PALS2: variants seen among roughly 807,000 people sequenced by gnomAD.
PALS2 encodes the protein protein PALS2.
Under a neutral mutation model 61.6 loss-of-function variants are expected in PALS2, and 27 were observed. The ratio of observed to expected loss-of-function variants is 0.44; its 90% CI spans 0.32 to 0.60. PALS2 has a LOEUF of 0.60. Ranked by LOEUF, PALS2 falls within the 20% of genes least tolerant of loss-of-function variation. The pLI is 0.05. For synonymous variants in PALS2, 236 were observed against 218.6 expected, an observed-to-expected ratio of 1.08 and a Z score of -0.70; for missense variants, 554 against 639.4, an observed-to-expected ratio of 0.87 and a Z score of 1.44.
Position 24,689,494 on chromosome 7 carries a change from T to G in PALS2, c.*1880T>G, listed in dbSNP as rs1331064610. 1 of 152,098 alleles carries G rather than the reference T, an allele frequency of 6.6e-6. No individual in the cohort carries two copies. Among genetic ancestry groups the G allele is most frequent in the Admixed American group, 6.5e-5 (1 of 15,272 alleles). 9.4% of individuals were successfully genotyped at this position (152,098 alleles called of 1,614,324 possible). ...AGAAAATATATGACAATAGGCAGTA[T>G]TGACACATTGTTTAAAATCTTTTTC... On this transcript the variant is annotated 3_prime_UTR_variant, in exon 12 of 12. Coordinates refer to ENST00000222644, the MANE Select transcript of PALS2 (RefSeq NM_001303037.2).
At position 24,596,885 on chromosome 7, in the gene PALS2, C is replaced by G. The variant is rs151332419; in HGVS notation, c.-3+23292C>G. ...GCAAGAGAATATTAGAAACTCTAAA[C>G]CAGACAGTGAAATTTTTAGAGTGGA... On this transcript the variant is annotated intron_variant, in intron 1 of 11. Transcript: ENST00000222644. This position sits in a 1 kb window ranked among gnomAD's most constrained non-coding sequence, Gnocchi z 4.5. 4.0e-4 allele frequency among the ~76,000 whole-genome samples: 61 copies of G among 152,118 alleles called. 1 individual carries two copies. Among genetic ancestry groups the G allele is most frequent in the Middle Eastern group, 3.4e-3 (1 of 294 alleles).
intron 2 of PALS2, among the ~76,000 whole-genome samples, chr7:24,641,129 G>A (rs555566145): frequency 2.0e-5 from 3 of 151,326 alleles, no homozygotes; most frequent in Admixed American, 6.6e-5. Context: ...AAAGACAGAT[G>A]ATCATTTCCC....
chr7:24,612,287 A>C (rs1784142322), intron 1 of PALS2, among the ~76,000 whole-genome samples: 1 of 151,714 alleles, frequency 6.6e-6, no homozygotes, highest in African/African-American at 2.4e-5. Context: ...TCATTTAACT[A>C]CTCTGAAGAT....
At chr7:24,640,495 C>T (rs1212533415) in intron 2 of PALS2, among the ~76,000 whole-genome samples, 1 of 152,154 alleles carries the variant, frequency 6.6e-6, no homozygotes, top group South Asian at 2.1e-4. Flanking sequence ...GTGGATTTTT[C>T]TTTAGCAATC....
At chr7:24,615,165 C>T (rs938819063) in intron 1 of PALS2, among the ~76,000 whole-genome samples, 1 of 151,780 alleles carries the variant, frequency 6.6e-6, no homozygotes, top group Non-Finnish European at 1.5e-5. Context: ...TAGTTTATAG[C>T]AGTAAATGCC....
Position 24,687,348 on chromosome 7 carries a change from A to G in PALS2, c.1447-90A>G. 1 of 975,980 alleles carries G rather than the reference A, an allele frequency of 1.0e-6. No individual in the cohort carries two copies. The highest frequency in any genetic ancestry group is 1.5e-6 in the Non-Finnish European group (1 of 645,958). The allele number at this position is 975,980 out of a possible 1,614,324, so 60.5% of individuals were successfully genotyped here. On this transcript the variant is annotated intron_variant, in intron 11 of 11. Coordinates refer to ENST00000222644, the MANE Select transcript of PALS2 (RefSeq NM_001303037.2). This position sits in a 1 kb window ranked among gnomAD's most constrained non-coding sequence, Gnocchi z 4.5. Reference sequence around the variant, plus strand: ...TACCAGAATTACCAGAAATATATCTAACCTATTTATTATATTCACTTCTAG... The same window carrying G: ...TACCAGAATTACCAGAAATATATCTGACCTATTTATTATATTCACTTCTAG...
At chr7:24,588,143 A>G (rs112653437) in intron 1 of PALS2, among the ~76,000 whole-genome samples, 1 of 152,176 alleles carries the variant, frequency 6.6e-6, no homozygotes, top group Non-Finnish European at 1.5e-5. Context: ...CGAAGATTGA[A>G]AAACCCTGGA....
chr7:24,625,947 A>G (rs1273199727), intron 2 of PALS2, among the ~76,000 whole-genome samples: 1 of 152,140 alleles, frequency 6.6e-6, no homozygotes, highest in Non-Finnish European at 1.5e-5. Flanking sequence ...CACTCTCAGT[A>G]TAACAAATAG....
intron 1 of PALS2, among the ~76,000 whole-genome samples, chr7:24,614,629 C>G (rs189792895): frequency 2.6e-4 from 40 of 151,990 alleles, no homozygotes; most frequent in African/African-American, 9.4e-4. Context: ...GACCCTGATA[C>G]AATAATAGTT....
intron 3 of PALS2, among the ~76,000 whole-genome samples, chr7:24,647,209 C>T (rs1485063769): frequency 3.3e-5 from 5 of 150,934 alleles, no homozygotes; most frequent in East Asian, 3.9e-4. Flanking sequence ...TGCAGTGGCA[C>T]GATCTCGGTT....
At chr7:24,590,854 T>G (rs1195482532) in intron 1 of PALS2, among the ~76,000 whole-genome samples, 2 of 151,928 alleles carry the variant, frequency 1.3e-5, no homozygotes, top group Non-Finnish European at 2.9e-5. Context: ...ACTTTTTTTT[T>G]TTTTTTGAGG....
intron 1 of PALS2, among the ~76,000 whole-genome samples, chr7:24,592,162 C>CGATT (rs1341083198): frequency 1.3e-5 from 2 of 151,942 alleles, no homozygotes; most frequent in Non-Finnish European, 2.9e-5. Flanking sequence ...CTGTAAGTAT[C>CGATT]GATTATTGGA....
rs2721780 is a variant in PALS2, at chr7:24,688,944, A to G, written c.*1330A>G. On this transcript the variant is annotated 3_prime_UTR_variant, in exon 12 of 12. Coordinates refer to ENST00000222644, the MANE Select transcript of PALS2 (RefSeq NM_001303037.2). The stretch of plus-strand genomic sequence containing the variant: ...CTCTCGTGCCTCAGCCTCCCAAGTA[A>G]TTGAGATTACAGTTGGGTGCCACCA... 0.51 allele frequency: 76,753 copies of G among 151,262 alleles called. 23,013 individuals are homozygous for G. The highest frequency in any genetic ancestry group is 0.82 in the African/African-American group (33,892 of 41,172). The allele number at this position is 151,262 out of a possible 1,614,324, so 9.4% of individuals were successfully genotyped here.
chr7:24,616,029 G>A (rs1179568433), intron 1 of PALS2, among the ~76,000 whole-genome samples: 1 of 152,068 alleles, frequency 6.6e-6, no homozygotes, highest in South Asian at 2.1e-4. Context: ...AATAAATTAG[G>A]TAGAGAAGAA....
intron 3 of PALS2, among the ~76,000 whole-genome samples, chr7:24,643,759 G>T (rs1019824373): frequency 2.6e-5 from 4 of 152,114 alleles, no homozygotes; most frequent in African/African-American, 9.7e-5. Flanking sequence ...CTTCCCTGTG[G>T]TGTTGATGTT....
rs142277624 is a variant in PALS2 at position 24,682,660 on chromosome 7, T to C, written c.1446+2140T>C. Among the ~76,000 whole-genome samples the C allele has an allele frequency of 1.7e-3, 266 of 152,350 alleles. 1 individual carries two copies. Among genetic ancestry groups the C allele is most frequent in the African/African-American group, 6.2e-3 (257 of 41,580 alleles). On this transcript the variant is annotated intron_variant, in intron 11 of 11. Coordinates refer to ENST00000222644, the MANE Select transcript of PALS2 (RefSeq NM_001303037.2). ...TGATACATTTTGTCCATAAATTAAT[T>C]GTTAGGTGGGAGAGTTAGTCTGGTG...
intron 10 of PALS2, among the ~76,000 whole-genome samples, chr7:24,679,775 A>G (rs1000723394): frequency 5.9e-5 from 9 of 152,150 alleles, no homozygotes; most frequent in Non-Finnish European, 2.9e-5. Flanking sequence ...CCACTCCGCT[A>G]CACTCAGCCC....
At chr7:24,675,299 G>A (rs1236438876) in intron 9 of PALS2, among the ~76,000 whole-genome samples, 4 of 151,624 alleles carry the variant, frequency 2.6e-5, no homozygotes, top group African/African-American at 9.7e-5. Flanking sequence ...TGTTCACAAT[G>A]TTGAACCAAG....
chr7:24,681,696 A>G (rs947746582), intron 11 of PALS2, among the ~76,000 whole-genome samples: 4 of 151,796 alleles, frequency 2.6e-5, no homozygotes, highest in East Asian at 1.9e-4. Flanking sequence ...GTTTGGCCAC[A>G]TATTTGTACT....
Sources: gnomAD v4.1 joint callset for allele counts (sites outside exome capture counted in the v4.1 genomes callset) on GRCh38, gnomAD v4.1.1 for gene constraint, Gnocchi (gnomAD v3.1) non-coding constraint, MANE v1.5 for transcripts, NCBI Gene and HGNC (gene_info 2026-07-23, HGNC 2026-07-21) for gene names.